The following IGFBP7 variants were observed in gnomAD, a reference collection of about 807,000 sequenced individuals.
IGFBP7 encodes the protein insulin like growth factor binding protein 7.
A neutral mutation model predicts 29.4 loss-of-function variants in IGFBP7; 31 were observed. That is an observed-to-expected ratio of 1.05 (90% CI 0.79 to 1.42). The LOEUF is 1.42. IGFBP7 is among the 40% of genes most tolerant of loss of function. The pLI is 0.00. For missense variants in IGFBP7, 393 were observed against 395.5 expected, an observed-to-expected ratio of 0.99 and a Z score of 0.05; for synonymous variants, 172 against 174.9, an observed-to-expected ratio of 0.98 and a Z score of 0.13.
intron 1 of IGFBP7, among the ~76,000 whole-genome samples, chr4:57,081,345 A>G (rs1317227489): frequency 6.6e-6 from 1 of 152,066 alleles, no homozygotes; most frequent in Non-Finnish European, 1.5e-5. Context: ...ATGCTTAAGA[A>G]TTATGAAGGG....
chr4:57,059,567 G>A (rs1724750712), intron 1 of IGFBP7, among the ~76,000 whole-genome samples: 1 of 152,096 alleles, frequency 6.6e-6, no homozygotes, highest in Admixed American at 6.6e-5. Context: ...AACGCAAAGA[G>A]GGGAACAACA....
chr4:57,033,499 C>T (rs1724002846), intron 2 of IGFBP7, among the ~76,000 whole-genome samples, 188 bp from the exon 3 acceptor site: 1 of 152,136 alleles, frequency 6.6e-6, no homozygotes, highest in South Asian at 2.1e-4. Context: ...TTCTTCCTGC[C>T]AGTTTCCTGC....
chr4:57,052,820 C>T (rs17087436), intron 1 of IGFBP7, among the ~76,000 whole-genome samples: 35,146 of 151,934 alleles, frequency 0.23, 4,311 homozygotes, highest in East Asian at 0.34. Flanking sequence ...TGAGAATCTT[C>T]GTAGGGAGCA....
At chr4:57,081,077 C>T (rs1725355886) in intron 1 of IGFBP7, among the ~76,000 whole-genome samples, 1 of 152,194 alleles carries the variant, frequency 6.6e-6, no homozygotes, top group African/African-American at 2.4e-5. Context: ...TGGAGCTTCC[C>T]CCTTTTGTCA....
chr4:57,084,463 T>C (rs1725446341), intron 1 of IGFBP7, among the ~76,000 whole-genome samples: 1 of 152,178 alleles, frequency 6.6e-6, no homozygotes, highest in African/African-American at 2.4e-5. Context: ...TGAGAGTAAG[T>C]CACATGTTTA....
chr4:57,044,695 C>T (rs1724316189), intron 1 of IGFBP7, among the ~76,000 whole-genome samples: 1 of 125,702 alleles, frequency 8.0e-6, no homozygotes, highest in African/African-American at 3.0e-5. Flanking sequence ...TTTCTGGACT[C>T]TCTGTTCTTT....
rs1724712117 is a variant in IGFBP7 at position 57,057,910 on chromosome 4, A to C, written c.476-16977T>G. On this transcript the variant is annotated intron_variant, in intron 1 of 4. Transcript: ENST00000295666. ...TCAGCTGAACTGACACTTGAAGAGAAGAAAGCTCAAAGTAAACTCAAATAG... is the reference window on the plus strand; with the variant it reads ...TCAGCTGAACTGACACTTGAAGAGACGAAAGCTCAAAGTAAACTCAAATAG... Among the ~76,000 whole-genome samples, 4 of 152,220 alleles carry C rather than the reference A, an allele frequency of 2.6e-5. No homozygotes were observed. The South Asian group carries it at 6.2e-4, about 24-fold the overall frequency.
At chr4:57,083,454 T>C (rs1725421091) in intron 1 of IGFBP7, among the ~76,000 whole-genome samples, 1 of 152,264 alleles carries the variant, frequency 6.6e-6, no homozygotes, top group Non-Finnish European at 1.5e-5. Flanking sequence ...TTGTTCCTTT[T>C]AATTCACTAT....
At chr4:57,086,237 C>A (rs1361683016) in intron 1 of IGFBP7, among the ~76,000 whole-genome samples, 1 of 152,196 alleles carries the variant, frequency 6.6e-6, no homozygotes, top group Non-Finnish European at 1.5e-5. Flanking sequence ...TGGGAAAAAC[C>A]TGCCTCCATG....
At chr4:57,105,316 G>C (rs979760012) in intron 1 of IGFBP7, among the ~76,000 whole-genome samples, 4 of 152,270 alleles carry the variant, frequency 2.6e-5, no homozygotes, top group Middle Eastern at 3.4e-3. Flanking sequence ...CTTATTCAAG[G>C]CTACTTACCC....
intron 1 of IGFBP7, among the ~76,000 whole-genome samples, chr4:57,069,117 A>T (rs1724994607): frequency 6.6e-6 from 1 of 152,084 alleles, no homozygotes; most frequent in Non-Finnish European, 1.5e-5. Flanking sequence ...GCCTCCTTCT[A>T]GGGGTGTTTT....
rs750028865 is a variant in IGFBP7, at chr4:57,030,923, G to T, written c.*394C>A. ...GATTTCTTTGGTGCGAATGCCTTAC[G>T]CATGCAAACTATTGTTTCAGGAACT... On this transcript the variant is annotated 3_prime_UTR_variant, in exon 5 of 5. Transcript: ENST00000295666. The T allele has an allele frequency of 1.9e-6, 3 of 1,607,632 alleles. No individual in the cohort carries two copies. In the South Asian group the frequency reaches 3.3e-5, roughly 18 times the overall value.
At chr4:57,089,769 A>T (rs1287534595) in intron 1 of IGFBP7, among the ~76,000 whole-genome samples, 2 of 152,150 alleles carry the variant, frequency 1.3e-5, no homozygotes, top group Non-Finnish European at 1.5e-5. Flanking sequence ...TTTCTGGCCA[A>T]TGAGATTAGG....
At chr4:57,083,859 T>G (rs1011826417) in intron 1 of IGFBP7, among the ~76,000 whole-genome samples, 1 of 152,248 alleles carries the variant, frequency 6.6e-6, no homozygotes, top group Non-Finnish European at 1.5e-5. Context: ...ATTAATCCTT[T>G]TATCCATCTT....
chr4:57,055,544 T>C (rs978631731), intron 1 of IGFBP7, among the ~76,000 whole-genome samples: 2 of 151,956 alleles, frequency 1.3e-5, no homozygotes, highest in African/African-American at 4.8e-5. Context: ...TCACGGAGAA[T>C]TGAGAAAATC....
intron 1 of IGFBP7, among the ~76,000 whole-genome samples, chr4:57,043,646 G>A (rs1724284821): frequency 6.6e-6 from 1 of 152,180 alleles, no homozygotes; most frequent in African/African-American, 2.4e-5. Flanking sequence ...TCAAAAGTTT[G>A]GAAAGCTCTA....
chr4:57,048,159 C>G, intron 1 of IGFBP7, among the ~76,000 whole-genome samples: 1 of 151,564 alleles, frequency 6.6e-6, no homozygotes, highest in Admixed American at 6.6e-5. Context: ...TCACGCCATT[C>G]TCCTGCCTCA....
intron 1 of IGFBP7, among the ~76,000 whole-genome samples, chr4:57,105,271 ATTG>A (rs1725995505): frequency 6.6e-6 from 1 of 152,202 alleles, no homozygotes; most frequent in Non-Finnish European, 1.5e-5. Context: ...GCATGTACAC[ATTG>A]TGTGAAAATA....
In IGFBP7 at chr4:57,081,399, T is replaced by TCACA. The variant is rs562387171; in HGVS notation, c.475+28474_475+28477dup. ...TTTACCCCCCACCAGCCCCTCCCAC[T>TCACA]CACACCATAGACCACATATTTTCCC... On this transcript the variant is annotated intron_variant, in intron 1 of 4. Transcript: ENST00000295666. Among the ~76,000 whole-genome samples the TCACA allele has an allele frequency of 5.9e-5, 9 of 152,210 alleles. No individual in the cohort carries two copies. In the East Asian group the frequency reaches 1.7e-3, roughly 29 times the overall value.
Sources: allele counts gnomAD v4.1 joint callset (sites outside exome capture counted in the v4.1 genomes callset), GRCh38; gene constraint gnomAD v4.1.1; transcripts MANE v1.5; gene names NCBI Gene and HGNC (gene_info 2026-07-23, HGNC 2026-07-21).